The following EPG5 variants were observed in gnomAD, a reference collection of about 807,000 sequenced individuals.
The protein encoded by EPG5 is ectopic P granules protein 5 homolog.
In EPG5, 159 loss-of-function variants were observed where a neutral mutation model predicts 302.7. The observed-to-expected ratio is 0.53, with a 90% CI of 0.46 to 0.60. The LOEUF (loss-of-function observed/expected upper bound fraction) is 0.60. EPG5 is among the 20% of genes least tolerant of loss of function. EPG5 has a pLI of 0.00. For missense variants in EPG5, 2,896 were observed against 3,092.4 expected, an observed-to-expected ratio of 0.94 and a Z score of 1.51; for synonymous variants, 1,158 against 1,136.8, an observed-to-expected ratio of 1.02 and a Z score of -0.37.
intron 17 of EPG5, 88 bp from the exon 18 acceptor site, chr18:45,916,670 C>T: frequency 7.3e-7 from 1 of 1,372,232 alleles, no homozygotes; most frequent in East Asian, 2.5e-5. Flanking sequence ...ACAGAAAATT[C>T]CTAAATTGGT....
At chr18:45,904,800 G>A (rs2049707950) in intron 24 of EPG5, among the ~76,000 whole-genome samples, 1 of 151,894 alleles carries the variant, frequency 6.6e-6, no homozygotes, top group Non-Finnish European at 1.5e-5. Context: ...CTAAATATTT[G>A]ATATAAAAAA....
the EPG5 span, among the ~76,000 whole-genome samples, chr18:45,806,676 G>A: frequency 6.6e-6 from 1 of 152,038 alleles, no homozygotes; most frequent in African/African-American, 2.4e-5. Context: ...AGAGAGCCTA[G>A]CAAAATACAG....
intron 14 of EPG5, among the ~76,000 whole-genome samples, chr18:45,923,697 G>A (rs566241435): frequency 1.1e-4 from 16 of 152,240 alleles, no homozygotes; most frequent in Admixed American, 2.6e-4. Flanking sequence ...CAAGGGCAAC[G>A]CCACAAACCA....
chr18:45,948,983 C>T (rs945344182), intron 5 of EPG5, among the ~76,000 whole-genome samples: 1 of 152,136 alleles, frequency 6.6e-6, no homozygotes, highest in African/African-American at 2.4e-5. Flanking sequence ...TAAGTGGTTG[C>T]TATGAGTAAC....
In EPG5 at chr18:45,922,697, A is replaced by G. The variant is rs530522082; in HGVS notation, c.2839-97T>C. 398 of 1,383,908 alleles carry G rather than the reference A, an allele frequency of 2.9e-4. No homozygotes were observed. The African/African-American group carries it at 5.1e-3, about 18-fold the overall frequency. The allele number at this position is 1,383,908 out of a possible 1,614,324, so 85.7% of individuals were successfully genotyped here. On this transcript the variant is annotated intron_variant, in intron 15 of 43. Coordinates refer to ENST00000282041, the MANE Select transcript of EPG5 (RefSeq NM_020964.3). The stretch of plus-strand genomic sequence containing the variant: ...CCTTTTGTGACCAACAATGCCCTCA[A>G]CGCAGAGGAATATTCTACTTGCTGG...
At chr18:45,842,461 G>GAGAC in the EPG5 span, 9 of 416,354 alleles carry the variant, frequency 2.2e-5, no homozygotes, top group Non-Finnish European at 2.7e-5. Flanking sequence ...GAGAGAGAGA[G>GAGAC]TACACGCATT....
rs143416270 is a variant in EPG5 at position 45,870,488 on chromosome 18, G to A, written c.6225+79C>T. 1,039 of 1,302,882 alleles carry A rather than the reference G, an allele frequency of 8.0e-4. 1 individual carries two copies. The highest frequency in any genetic ancestry group is 9.9e-4 in the Non-Finnish European group (931 of 938,718). 80.7% of individuals were successfully genotyped at this position (1,302,882 alleles called of 1,614,324 possible). A position where few individuals can be genotyped will look rare whatever the true frequency, so the allele number is the denominator to read the frequency against. On this transcript the variant is annotated intron_variant, in intron 36 of 43. Transcript: ENST00000282041. ...CCACGCTAGCACACACTGCCACTAT[G>A]CCTAACAACCACAGTGACCAGGCTG...
In EPG5 at chr18:45,954,892, T is replaced by G. The variant is rs1383309349; in HGVS notation, c.510A>C (p.Ile170=). 1.2e-6 allele frequency: 2 copies of G among 1,614,014 alleles called. No homozygotes were observed. Among genetic ancestry groups the G allele is most frequent in the South Asian group, 2.2e-5 (2 of 91,056 alleles). ...TACTATTCTGAGTTTCTCTGACTTG[T>G]ATATTTTCCATTGCTGGCTGAGTAT... ...FSYTQPAMEN[I]QVRETQNSKE... Residue 170 remains isoleucine, a synonymous_variant, in exon 2 of 44, where the codon ATA becomes ATC. Coordinates refer to ENST00000282041, the MANE Select transcript of EPG5 (RefSeq NM_020964.3).
intron 10 of EPG5, among the ~76,000 whole-genome samples, chr18:45,935,632 G>GGT (rs2050506805): frequency 6.6e-6 from 1 of 152,032 alleles, no homozygotes; most frequent in East Asian, 1.9e-4. Context: ...ACACAGTAGT[G>GGT]GGTGGCAGAG....
At chr18:45,911,473 T>TA (rs1568146582) in intron 22 of EPG5, among the ~76,000 whole-genome samples, 1 of 151,886 alleles carries the variant, frequency 6.6e-6, no homozygotes, top group African/African-American at 2.4e-5. Context: ...TTTTTTTTTT[T>TA]AGTAGAGACG....
intron 27 of EPG5, among the ~76,000 whole-genome samples, chr18:45,898,811 A>G (rs886409413): frequency 6.6e-6 from 1 of 152,058 alleles, no homozygotes; most frequent in Admixed American, 6.5e-5. Context: ...ATTCCTTCTA[A>G]CTGTATCATC....
rs772690435 is a variant in EPG5 at position 45,948,514 on chromosome 18, C to T, written c.1560G>A (p.Met520Ile). The T allele has an allele frequency of 1.2e-6, 2 of 1,613,184 alleles. No individual in the cohort carries two copies. Among genetic ancestry groups the T allele is most frequent in the African/African-American group, 1.3e-5 (1 of 75,030 alleles). ...TCTTGCACACTTACTTGACAGGAGA[C>T]ATCAGCAGGGCAAGGGATTGCATAA... ...FHFMQSLALL[M>I]SPVKNRAEFM... is the part of the protein sequence containing the mutation. The change falls in exon 6 of 44, where the codon ATG becomes ATA. Residue 520 changes from methionine to isoleucine, a missense_variant. Coordinates refer to ENST00000282041, the MANE Select transcript of EPG5 (RefSeq NM_020964.3).
At chr18:45,825,898 G>C in the EPG5 span, 1 of 1,216,160 alleles carries the variant, frequency 8.2e-7, no homozygotes, top group Non-Finnish European at 1.2e-6. Context: ...CAGGCCTGTG[G>C]AGGAGGAAGA....
At position 45,967,207 on chromosome 18, in the gene EPG5, G is replaced by A. The variant is rs539082493; in HGVS notation, c.33C>T (p.Ala11=). MAEAVKPQRR[A]KAKASRTKTK... ...TTTTAGTCCGGCTGGCCTTGGCCTT[G>A]GCCCGGCGCTGGGGCTTCACCGCCT... Residue 11 remains alanine (A), a synonymous_variant, in exon 1 of 44, where the codon GCC becomes GCT. Coordinates refer to ENST00000282041, the MANE Select transcript of EPG5 (RefSeq NM_020964.3). The A allele has an allele frequency of 6.2e-7, 1 of 1,606,046 alleles. No homozygotes were observed. Among genetic ancestry groups the A allele is most frequent in the Non-Finnish European group, 8.5e-7 (1 of 1,176,496 alleles).
chr18:45,840,296 A>C, the EPG5 span: 1 of 1,558,812 alleles, frequency 6.4e-7, no homozygotes, highest in Non-Finnish European at 8.7e-7. Flanking sequence ...AGTCCTCATC[A>C]CCCAGGGGGT....
rs11334955 is a variant in EPG5, at chr18:45,870,788, T to TAAAAA, written c.6050-51_6050-47dup. The TAAAAA allele has an allele frequency of 3.8e-5, 37 of 965,016 alleles. No homozygotes were observed. In the African/African-American group the frequency reaches 6.2e-4, roughly 16 times the overall value. 59.8% of individuals were successfully genotyped at this position (965,016 alleles called of 1,614,324 possible). A position where few individuals can be genotyped will look rare whatever the true frequency, so the allele number is the denominator to read the frequency against. On this transcript the variant is annotated intron_variant, in intron 35 of 43. Transcript: ENST00000282041. ...AGAGCTGAAGACCTTTGGTTTACCT[T>TAAAAA]AAAAAAAAAAAAAAAAAGCAAATTT...
At chr18:45,938,898 T>C (rs896874556) in intron 10 of EPG5, among the ~76,000 whole-genome samples, 1 of 152,132 alleles carries the variant, frequency 6.6e-6, no homozygotes, top group African/African-American at 2.4e-5. Context: ...TGTAGGCAGC[T>C]AGCTCAGGAG....
intron 39 of EPG5, among the ~76,000 whole-genome samples, chr18:45,862,102 T>C (rs975396296): frequency 2.0e-5 from 3 of 152,216 alleles, no homozygotes; most frequent in African/African-American, 7.2e-5. Flanking sequence ...TAATGTTAAT[T>C]GGTTCCCAGA....
intron 39 of EPG5, 90 bp downstream of exon 39, chr18:45,865,525 G>A: frequency 7.3e-7 from 1 of 1,376,520 alleles, no homozygotes; most frequent in Non-Finnish European, 1.0e-6. Context: ...GAGTGCCAGT[G>A]TCCTGAACAT....
Sources: allele counts gnomAD v4.1 joint callset (sites outside exome capture counted in the v4.1 genomes callset), GRCh38; gene constraint gnomAD v4.1.1; transcripts MANE v1.5; gene names NCBI Gene and HGNC (gene_info 2026-07-23, HGNC 2026-07-21).